Variants in SLC4A10 observed in about 807,000 individuals in gnomAD.
The protein encoded by SLC4A10 is sodium-driven chloride bicarbonate exchanger.
SLC4A10 carries 42 observed loss-of-function variants against 137.7 expected under a neutral mutation model. The ratio of observed to expected loss-of-function variants is 0.30; its 90% confidence interval spans 0.24 to 0.39. The LOEUF (loss-of-function observed/expected upper bound fraction) is 0.39. Ranked by LOEUF, SLC4A10 falls within the 10% of genes least tolerant of loss-of-function variation. SLC4A10 has a pLI of 1.00. For synonymous variants in SLC4A10, 474 were observed against 464.1 expected, an observed-to-expected ratio of 1.02 and a Z score of -0.27; for missense variants, 925 against 1,355.0, an observed-to-expected ratio of 0.68 and a Z score of 4.98.
intron 21 of SLC4A10, 145 bp downstream of exon 21, chr2:161,958,700 C>G (rs971556640): frequency 1.4e-4 from 81 of 564,394 alleles, no homozygotes; most frequent in Non-Finnish European, 2.1e-4. Context: ...GTCAGAGTTA[C>G]AAAAGTTAAA....
At chr2:161,969,639 T>G (rs1317938877) in intron 23 of SLC4A10, among the ~76,000 whole-genome samples, 1 of 152,192 alleles carries the variant, frequency 6.6e-6, no homozygotes, top group African/African-American at 2.4e-5. Flanking sequence ...TTCTACTCTG[T>G]GGAAGTGATC....
chr2:161,809,608 C>A lies in SLC4A10; in HGVS notation c.277+5013C>A, dbSNP rs557664886. On this transcript the variant is annotated intron_variant, in intron 3 of 26. Transcript: ENST00000446997. ...ATTTTGCATATGGCTTGACAGTTAT[C>A]CCAGCACCATTTATTTAATAGGGAG... Among the ~76,000 whole-genome samples, 22 of 152,106 alleles carry A rather than the reference C, an allele frequency of 1.4e-4. No homozygotes were observed. The South Asian group carries it at 4.2e-3, about 29-fold the overall frequency.
Position 161,881,390 on chromosome 2 carries a change from T to G in SLC4A10, c.1107-967T>G, listed in dbSNP as rs557425722. On this transcript the variant is annotated intron_variant, in intron 9 of 26. Transcript: ENST00000446997. ...CATTTCTACATAGTAGAAATTGGCT[T>G]GGGTTCAGTTGTCACTGGCACACAC... 5.9e-5 allele frequency among the ~76,000 whole-genome samples: 9 copies of G among 152,166 alleles called. No individual in the cohort carries two copies. In the South Asian group the frequency reaches 1.9e-3, roughly 32 times the overall value.
chr2:161,762,974 T>C (rs184483127), intron 1 of SLC4A10, among the ~76,000 whole-genome samples: 3 of 152,208 alleles, frequency 2.0e-5, no homozygotes, highest in Admixed American at 1.3e-4. Context: ...TACTAACCCA[T>C]AGATTGAGAG....
intron 1 of SLC4A10, among the ~76,000 whole-genome samples, chr2:161,735,954 GACAAAA>G (rs1287852875): frequency 6.6e-6 from 1 of 152,096 alleles, no homozygotes; most frequent in East Asian, 1.9e-4. Context: ...AGTATATGCA[GACAAAA>G]TGTCTGAATT....
chr2:161,754,142 T>A (rs2049321481), intron 1 of SLC4A10, among the ~76,000 whole-genome samples: 1 of 152,022 alleles, frequency 6.6e-6, no homozygotes, highest in South Asian at 2.1e-4. Context: ...GGGCTCAAGT[T>A]ATCTGTGCCT....
At chr2:161,739,812 AG>A (rs1257918004) in intron 1 of SLC4A10, among the ~76,000 whole-genome samples, 1 of 152,236 alleles carries the variant, frequency 6.6e-6, no homozygotes, top group Non-Finnish European at 1.5e-5. Flanking sequence ...GCATTATTGC[AG>A]TACCCCCATT....
chr2:161,822,315 G>C (rs1457199336), intron 3 of SLC4A10, among the ~76,000 whole-genome samples: 2 of 152,120 alleles, frequency 1.3e-5, no homozygotes, highest in Non-Finnish European at 2.9e-5. Flanking sequence ...AGAGACATGG[G>C]GACCCTAATA....
At chr2:161,939,385 A>T (rs533284897) in intron 15 of SLC4A10, among the ~76,000 whole-genome samples, 32 of 152,188 alleles carry the variant, frequency 2.1e-4, no homozygotes, top group African/African-American at 7.2e-4. Flanking sequence ...AGATTTAGCT[A>T]ATTTTCTACA....
intron 1 of SLC4A10, among the ~76,000 whole-genome samples, chr2:161,631,116 T>G (rs1195983831): frequency 1.3e-5 from 2 of 151,588 alleles, no homozygotes; most frequent in Non-Finnish European, 3.0e-5. Context: ...TAAAGTAGAT[T>G]AGGGGTTGCC....
intron 23 of SLC4A10, among the ~76,000 whole-genome samples, chr2:161,973,812 G>A (rs989812363): frequency 7.9e-5 from 12 of 152,156 alleles, no homozygotes; most frequent in Non-Finnish European, 1.8e-4. Flanking sequence ...AAGCCCATCA[G>A]GGGATTCCGA....
chr2:161,626,883 G>C (rs996315564), intron 1 of SLC4A10, among the ~76,000 whole-genome samples: 3 of 152,106 alleles, frequency 2.0e-5, no homozygotes, highest in Non-Finnish European at 4.4e-5. Context: ...TTGGAAGAGA[G>C]CTCTGGGCTC....
chr2:161,692,383 T>C (rs762937829), intron 1 of SLC4A10, among the ~76,000 whole-genome samples: 9 of 152,196 alleles, frequency 5.9e-5, no homozygotes, highest in South Asian at 2.1e-4. Context: ...ATTCACTTTA[T>C]TGTGAGAATA....
At chr2:161,767,194 GTGTGTGTGTA>G (rs1327295751) in intron 1 of SLC4A10, among the ~76,000 whole-genome samples, 9 of 113,158 alleles carry the variant, frequency 8.0e-5, no homozygotes, top group African/African-American at 2.2e-4. Context: ...GTGTGTGTGT[GTGTGTGTGTA>G]TATATATATA....
At chr2:161,755,689 T>G (rs1014151750) in intron 1 of SLC4A10, among the ~76,000 whole-genome samples, 4 of 152,144 alleles carry the variant, frequency 2.6e-5, no homozygotes, top group African/African-American at 7.2e-5. Context: ...TCTTCATCCC[T>G]TTAGAATACT....
chr2:161,679,150 G>A (rs531496758), intron 1 of SLC4A10, among the ~76,000 whole-genome samples: 2 of 152,048 alleles, frequency 1.3e-5, no homozygotes, highest in South Asian at 2.1e-4. Context: ...AGTCATTCTG[G>A]TATTTAGTGA....
intron 2 of SLC4A10, among the ~76,000 whole-genome samples, chr2:161,800,961 G>C (rs2055310707): frequency 6.6e-6 from 1 of 152,056 alleles, no homozygotes; most frequent in Non-Finnish European, 1.5e-5. Flanking sequence ...GATTGTAGGG[G>C]AGGCATTGTC....
chr2:161,746,017 T>C (rs1574722080), intron 1 of SLC4A10, among the ~76,000 whole-genome samples: 1 of 152,176 alleles, frequency 6.6e-6, no homozygotes, highest in East Asian at 1.9e-4. Context: ...TGCTGGAATC[T>C]TGTTGGGTCA....
At chr2:161,841,972 A>C (rs866285109) in intron 4 of SLC4A10, among the ~76,000 whole-genome samples, 2 of 152,218 alleles carry the variant, frequency 1.3e-5, no homozygotes, top group African/African-American at 4.8e-5. Flanking sequence ...TATCTTTTCC[A>C]CTTCATATAT....
Sources: gnomAD v4.1 joint callset for allele counts (sites outside exome capture counted in the v4.1 genomes callset) on GRCh38, gnomAD v4.1.1 for gene constraint, MANE v1.5 for transcripts, NCBI Gene and HGNC (gene_info 2026-07-23, HGNC 2026-07-21) for gene names.